Variants in AAAS observed in about 807,000 individuals in gnomAD.
AAAS encodes the protein aladin WD repeat nucleoporin.
Under a neutral mutation model 75.6 loss-of-function variants are expected in AAAS, and 60 were observed. That is an observed-to-expected ratio of 0.79 (90% CI 0.64 to 0.98). AAAS has a LOEUF of 0.98. AAAS is among the 50% of genes least tolerant of loss of function. The pLI is 0.00. For synonymous variants in AAAS, 271 were observed against 265.0 expected (o/e 1.02, Z -0.22); for missense variants, 658 against 686.9 (o/e 0.96, Z 0.47).
At chr12:53,318,097 C>T (rs1468659140) in intron 2 of AAAS, among the ~76,000 whole-genome samples, 4 of 152,082 alleles carry the variant, frequency 2.6e-5, no homozygotes, top group Admixed American at 1.3e-4. Flanking sequence ...ATCACCATCA[C>T]GGCTCGCTGC....
chr12:53,311,124 T>G (rs1470490981), intron 7 of AAAS, among the ~76,000 whole-genome samples: 1 of 151,988 alleles, frequency 6.6e-6, no homozygotes, highest in African/African-American at 2.4e-5. Flanking sequence ...TTATTTTTAT[T>G]TTTTGTATAG....
intron 7 of AAAS, among the ~76,000 whole-genome samples, chr12:53,312,450 A>C (rs1174343816): frequency 2.0e-5 from 3 of 150,548 alleles, no homozygotes; most frequent in Non-Finnish European, 3.0e-5. Context: ...CTGTAGTCCC[A>C]GCTACTTGGG....
chr12:53,312,754 T>C (rs564511233), intron 7 of AAAS, among the ~76,000 whole-genome samples: 2 of 150,616 alleles, frequency 1.3e-5, no homozygotes, highest in Non-Finnish European at 1.5e-5. Context: ...TCTTTATTCA[T>C]ATATATACGT....
chr12:53,310,795 T>G (rs965158376), intron 7 of AAAS, among the ~76,000 whole-genome samples: 15 of 152,256 alleles, frequency 9.9e-5, no homozygotes, highest in African/African-American at 3.6e-4. Context: ...TTGAACTTTA[T>G]GATAAATCAC....
In AAAS at chr12:53,320,690, C is replaced by G; in HGVS notation, c.126G>C (p.Trp42Cys). The G allele has an allele frequency of 6.2e-7, 1 of 1,614,034 alleles. No homozygotes were observed. Among genetic ancestry groups the G allele is most frequent in the Non-Finnish European group, 8.5e-7 (1 of 1,179,952 alleles). The change falls in exon 2 of 16, where the codon TGG becomes TGC. Residue 42 changes from tryptophan (W) to cysteine (C), a missense_variant and splice_region_variant. Physicochemically the swap from Trp to Cys is radical, Grantham distance 215. Coordinates refer to ENST00000209873, the MANE Select transcript of AAAS (RefSeq NM_015665.6). ...TCAGTTGTAGGACAGGAAGATTGATCCACTATAGCACAAAAGTGAGGAGTG... is the reference window on the plus strand; with the variant it reads ...TCAGTTGTAGGACAGGAAGATTGATGCACTATAGCACAAAAGTGAGGAGTG... ...ESPPPDFRGQ[W>C]INLPVLQLTK... is the part of the protein sequence containing the mutation.
intron 2 of AAAS, among the ~76,000 whole-genome samples, chr12:53,319,822 AAAAG>A (rs1214758679): frequency 1.4e-5 from 2 of 141,280 alleles, no homozygotes; most frequent in Non-Finnish European, 3.1e-5. Context: ...AAAAAAAAAA[AAAAG>A]AAAAAGAAAA....
rs756013729 is a variant in AAAS at position 53,308,089 on chromosome 12, G to A, written c.1294C>T (p.Arg432Cys). 27 of 1,614,050 alleles carry A rather than the reference G, an allele frequency of 1.7e-5. No homozygotes were observed. The highest frequency in any genetic ancestry group is 1.6e-4 in the Middle Eastern group (1 of 6,084). The change falls in exon 14 of 16, where the codon CGC (arginine) becomes TGC (cysteine). Residue 432 changes from arginine to cysteine, a missense_variant. Physicochemically the swap from Arg to Cys is radical, Grantham distance 180 (BLOSUM62 -3). Transcript: ENST00000209873. Reference protein sequence around the residue: ...QDGKPVILLFRTRNSPVFELL... With the variant: ...QDGKPVILLFCTRNSPVFELL... ...TCAAACACAGGGCTGTTTCGAGTGCGAAAAAGGAGGATGACTGGTTTACCA... is the reference window on the plus strand; with the variant it reads ...TCAAACACAGGGCTGTTTCGAGTGCAAAAAAGGAGGATGACTGGTTTACCA...
At chr12:53,310,797 A>AT (rs1027236576) in intron 7 of AAAS, among the ~76,000 whole-genome samples, 1 of 152,220 alleles carries the variant, frequency 6.6e-6, no homozygotes, top group African/African-American at 2.4e-5. Context: ...GAACTTTATG[A>AT]TAAATCACAG....
Position 53,308,705 on chromosome 12 carries a change from G to A in AAAS, c.1087+20C>T. 7 of 1,613,716 alleles carry A rather than the reference G, an allele frequency of 4.3e-6. No individual in the cohort carries two copies. The highest frequency in any genetic ancestry group is 5.9e-6 in the Non-Finnish European group (7 of 1,179,758). ...CCTCCCTCTGACCACCCCAAATACT[G>A]AAGTGTTGCCCTAACTCACCACAAC... On this transcript the variant is annotated intron_variant, in intron 11 of 15. Transcript: ENST00000209873.
At position 53,307,622 on chromosome 12, in the gene AAAS, T is replaced by C; in HGVS notation, c.1508A>G (p.Glu503Gly). 1.9e-6 allele frequency: 3 copies of C among 1,614,182 alleles called. No individual in the cohort carries two copies. Among genetic ancestry groups the C allele is most frequent in the Non-Finnish European group, 1.7e-6 (2 of 1,180,028 alleles). ...RFSPVLGRAQ[E>G]PPAGGGGSIH... ...AGAGCCTCCACCCCCAGCAGGGGGT[T>C]CCTGGGCCCGCCCAAGCACTGGGCT... Residue 503 changes from glutamate to glycine, a missense_variant, in exon 16 of 16, where the codon GAA (glutamate) becomes GGA (glycine). Physicochemically the swap from Glu to Gly is moderately conservative, Grantham distance 98 (BLOSUM62 -2). Transcript: ENST00000209873.
At chr12:53,321,106 C>G in intron 1 of AAAS, 4 of 620,820 alleles carry the variant, frequency 6.4e-6, no homozygotes, top group South Asian at 2.0e-5. Context: ...TCCCTAGATT[C>G]TCCCTCATTC....
At chr12:53,314,219 T>C in intron 7 of AAAS, 79 bp downstream of exon 7, 1 of 1,595,506 alleles carries the variant, frequency 6.3e-7, no homozygotes, top group South Asian at 1.1e-5. Context: ...GAACTTCTCC[T>C]TTCAGACGTC....
chr12:53,310,997 G>C (rs1386899692), intron 7 of AAAS, among the ~76,000 whole-genome samples: 1 of 152,142 alleles, frequency 6.6e-6, no homozygotes, highest in Non-Finnish European at 1.5e-5. Context: ...TCACACTCCA[G>C]GATGGAGTGC....
At chr12:53,317,801 G>C (rs1944487306) in intron 2 of AAAS, among the ~76,000 whole-genome samples, 1 of 151,932 alleles carries the variant, frequency 6.6e-6, no homozygotes, top group Non-Finnish European at 1.5e-5. Flanking sequence ...GGCCTGAACT[G>C]GTGGGGATGA....
chr12:53,321,151 T>C (rs1304922824), intron 1 of AAAS, 192 bp downstream of exon 1: 14 of 838,942 alleles, frequency 1.7e-5, no homozygotes, highest in Non-Finnish European at 2.2e-5. Flanking sequence ...CACAGCTCCT[T>C]AACCGTTCCC....
rs936740152 is a variant in AAAS at position 53,309,903 on chromosome 12, C to T, written c.690-182G>A. The T allele has an allele frequency of 1.3e-4, 117 of 919,458 alleles. 1 individual carries two copies. The highest frequency in any genetic ancestry group is 8.3e-5 in the African/African-American group (5 of 60,038). The allele number at this position is 919,458 out of a possible 1,614,324, so 57.0% of individuals were successfully genotyped here. Reference sequence around the variant, plus strand: ...AGAAAAAAACAGCGAAGGGGAAAAACGACCAAGTCACCACGAGCAGGTCAA... The same window carrying T: ...AGAAAAAAACAGCGAAGGGGAAAAATGACCAAGTCACCACGAGCAGGTCAA... On this transcript the variant is annotated intron_variant, in intron 7 of 15. Transcript: ENST00000209873.
intron 13 of AAAS, 73 bp downstream of exon 13, chr12:53,308,209 A>G: frequency 6.2e-7 from 1 of 1,611,704 alleles, no homozygotes; most frequent in Non-Finnish European, 8.5e-7. Context: ...GGAGAACTCC[A>G]GGCCAGGGCA....
In AAAS at chr12:53,321,535, A is replaced by G. The variant is rs186975061; in HGVS notation, c.-70T>C. The G allele has an allele frequency of 6.3e-4, 1,011 of 1,609,446 alleles. 6 individuals are homozygous for G. In the African/African-American group the frequency reaches 0.012, roughly 18 times the overall value. On this transcript the variant is annotated 5_prime_UTR_variant, in exon 1 of 16. Coordinates refer to ENST00000209873, the MANE Select transcript of AAAS (RefSeq NM_015665.6). ...GAACGGCACAGACCGCACTCCCGCA[A>G]CTCGGTTCCCGGGCTAGATTCGTAT...
At position 53,315,139 on chromosome 12, in the gene AAAS, A is replaced by G. The variant is rs1376791481; in HGVS notation, c.401T>C (p.Leu134Pro). 1 of 1,613,988 alleles carries G rather than the reference A, an allele frequency of 6.2e-7. No homozygotes were observed. ...TTCAGCGATCAGATCTTCGCTCCTG[A>G]GCTGTAAGAACAAGATAGACACAGG... Reference protein sequence around the residue: ...LHGSLFPHLSLRSEDLIAEFA... With the variant: ...LHGSLFPHLSPRSEDLIAEFA... Residue 134 changes from leucine (L) to proline (P), a missense_variant and splice_region_variant, in exon 5 of 16, where the codon CTC (leucine) becomes CCC (proline). Transcript: ENST00000209873.
Sources: gnomAD v4.1 joint callset for allele counts (sites outside exome capture counted in the v4.1 genomes callset) on GRCh38, gnomAD v4.1.1 for gene constraint, MANE v1.5 for transcripts, NCBI Gene and HGNC (gene_info 2026-07-23, HGNC 2026-07-21) for gene names.